GAD1: variants seen among roughly 807,000 people sequenced by gnomAD.
The protein encoded by GAD1 is 67 kDa glutamic acid decarboxylase.
Under a neutral mutation model 75.2 loss-of-function variants are expected in GAD1, and 35 were observed. That is an observed-to-expected ratio of 0.47 (90% CI 0.36 to 0.62). The LOEUF (loss-of-function observed/expected upper bound fraction) is 0.62. GAD1 is among the 20% of genes least tolerant of loss of function. The pLI, the probability that GAD1 is intolerant of heterozygous loss-of-function variation, is 0.00. For missense variants in GAD1, 490 were observed against 758.5 expected (o/e 0.65, Z 4.16); for synonymous variants, 257 against 271.9 (o/e 0.95, Z 0.54).
At chr2:170,828,767 C>A (rs1702130627) in intron 3 of GAD1, among the ~76,000 whole-genome samples, 1 of 148,568 alleles carries the variant, frequency 6.7e-6, no homozygotes, top group Non-Finnish European at 1.5e-5. Context: ...CCTCCTACCT[C>A]TGCTGTCCTC....
intron 3 of GAD1, among the ~76,000 whole-genome samples, chr2:170,825,014 T>G (rs1701990546): frequency 6.7e-6 from 1 of 150,208 alleles, no homozygotes; most frequent in Non-Finnish European, 1.5e-5. Context: ...TTTCAAGTGC[T>G]CTCTTTTTCT....
upstream of GAD1, among the ~76,000 whole-genome samples, chr2:170,814,551 A>T (rs1471664918): frequency 4.6e-5 from 7 of 152,148 alleles, no homozygotes; most frequent in Non-Finnish European, 1.0e-4. Flanking sequence ...CGGAATGTCC[A>T]CTCCCGGCGT....
At chr2:170,851,909 G>A (rs1702750113) in intron 12 of GAD1, among the ~76,000 whole-genome samples, 1 of 152,194 alleles carries the variant, frequency 6.6e-6, no homozygotes, top group Non-Finnish European at 1.5e-5. Context: ...AATTCTGCTA[G>A]GTAGTCAGAG....
chr2:170,853,608 A>G lies in GAD1; in HGVS notation c.1264-265A>G, dbSNP rs931476023. The G allele has an allele frequency of 1.2e-5, 5 of 424,538 alleles. No individual in the cohort carries two copies. Among genetic ancestry groups the G allele is most frequent in the African/African-American group, 1.0e-4 (5 of 49,850 alleles). 26.3% of individuals were successfully genotyped at this position (424,538 alleles called of 1,614,324 possible). Reference sequence around the variant, plus strand: ...CTTCCCAATCTTGAAACAATCCCAGACACCCATACACATTTCCCCTTAGAG... The same window carrying G: ...CTTCCCAATCTTGAAACAATCCCAGGCACCCATACACATTTCCCCTTAGAG... On this transcript the variant is annotated intron_variant, in intron 13 of 16. Transcript: ENST00000358196. The surrounding 1 kb of genome is among the most constrained non-coding windows in gnomAD (Gnocchi z 4.1).
At chr2:170,825,645 A>G (rs1475179672) in intron 3 of GAD1, among the ~76,000 whole-genome samples, 1 of 152,146 alleles carries the variant, frequency 6.6e-6, no homozygotes, top group Non-Finnish European at 1.5e-5. Flanking sequence ...TGGGCCCCAT[A>G]AGCCTTTGAG....
intron 10 of GAD1, among the ~76,000 whole-genome samples, chr2:170,846,988 A>G (rs1702647218): frequency 1.3e-5 from 2 of 152,360 alleles, no homozygotes; most frequent in South Asian, 4.1e-4. Flanking sequence ...TAGGTGACAG[A>G]GCAAGAACCT....
intron 4 of GAD1, among the ~76,000 whole-genome samples, chr2:170,830,488 C>G (rs182413192): frequency 1.3e-5 from 2 of 152,342 alleles, no homozygotes; most frequent in Admixed American, 1.3e-4. Context: ...AAGGACACCG[C>G]CAAGGACCAC....
chr2:170,836,891 T>A lies in GAD1; in HGVS notation c.638+8T>A. On this transcript the variant is annotated splice_region_variant and intron_variant, in intron 6 of 16. Coordinates refer to ENST00000358196, the MANE Select transcript of GAD1 (RefSeq NM_000817.3). ...AACGGCCAATACCAACATGTAAGTC[T>A]CATATGTTTTCATATAAGCAACCCT... The A allele has an allele frequency of 6.3e-7, 1 of 1,587,650 alleles. No homozygotes were observed. The highest frequency in any genetic ancestry group is 8.6e-7 in the Non-Finnish European group (1 of 1,156,084).
At position 170,818,521 on chromosome 2, in the gene GAD1, C is replaced by G; in HGVS notation, c.-63-8C>G. The G allele has an allele frequency of 7.0e-7, 1 of 1,426,700 alleles. No homozygotes were observed. Among genetic ancestry groups the G allele is most frequent in the East Asian group, 2.3e-5 (1 of 43,956 alleles). 88.4% of individuals were successfully genotyped at this position (1,426,700 alleles called of 1,614,324 possible). The stretch of plus-strand genomic sequence containing the variant: ...TCCTCCCCGCACAGCTCTCGCTTCT[C>G]TTTGCAGCCTGTTTCTGCGCCGGAC... On this transcript the variant is annotated splice_region_variant and splice_polypyrimidine_tract_variant and intron_variant, in intron 1 of 16. Coordinates refer to ENST00000358196, the MANE Select transcript of GAD1 (RefSeq NM_000817.3). This position sits in a 1 kb window ranked among gnomAD's most constrained non-coding sequence, Gnocchi z 5.9.
chr2:170,821,998 T>A, intron 2 of GAD1, 89 bp from the exon 3 acceptor site: 1 of 1,129,126 alleles, frequency 8.9e-7, no homozygotes, highest in Non-Finnish European at 1.3e-6. Context: ...AAAGTCCTCA[T>A]CCTCCCCCAA....
intron 3 of GAD1, among the ~76,000 whole-genome samples, chr2:170,826,012 G>T (rs1440798619): frequency 6.6e-6 from 1 of 152,158 alleles, no homozygotes; most frequent in Non-Finnish European, 1.5e-5. Flanking sequence ...TCCTTCCAGG[G>T]CCTCTCAGAG....
upstream of GAD1, among the ~76,000 whole-genome samples, chr2:170,815,777 G>A (rs1281657070): frequency 6.6e-6 from 1 of 152,234 alleles, no homozygotes; most frequent in African/African-American, 2.4e-5. Flanking sequence ...ACAGGGCGGT[G>A]AGGGAAGGCA....
Position 170,835,720 on chromosome 2 carries a change from GT to G in GAD1, c.548-1071del, listed in dbSNP as rs545699013. ...ATTCAGTCTTGTCTTAAAATGAAGT[GT>G]TATTGTTAAAAGTTTTTAAATGGAT... On this transcript the variant is annotated intron_variant, in intron 5 of 16. Transcript: ENST00000358196. Among the ~76,000 whole-genome samples, 27 of 152,252 alleles carry G rather than the reference GT, an allele frequency of 1.8e-4. 2 individuals are homozygous for G. Among genetic ancestry groups the G allele is most frequent in the Admixed American group, 1.6e-3 (25 of 15,294 alleles).
At chr2:170,838,524 C>A (rs1444190798) in intron 6 of GAD1, among the ~76,000 whole-genome samples, 1 of 152,162 alleles carries the variant, frequency 6.6e-6, no homozygotes, top group African/African-American at 2.4e-5. Flanking sequence ...GTAAAAGATA[C>A]ATATCTATTA....
Position 170,859,008 on chromosome 2 carries a change from G to C in GAD1, c.1611+115G>C, listed in dbSNP as rs142230811. The stretch of plus-strand genomic sequence containing the variant: ...GAAATATAAAAAATAAAGCCTTGGG[G>C]TGGGTTTCTAGTAATGGGGTGGTGG... On this transcript the variant is annotated intron_variant, in intron 16 of 16. Coordinates refer to ENST00000358196, the MANE Select transcript of GAD1 (RefSeq NM_000817.3). 5.0e-4 allele frequency: 486 copies of C among 970,122 alleles called. 4 individuals carry two copies. The Middle Eastern group carries it at 5.4e-3, about 11-fold the overall frequency. 60.1% of individuals were successfully genotyped at this position (970,122 alleles called of 1,614,324 possible). A position where few individuals can be genotyped will look rare whatever the true frequency, so the allele number is the denominator to read the frequency against.
chr2:170,846,254 A>T (rs866756894), intron 10 of GAD1, among the ~76,000 whole-genome samples, 191 bp downstream of exon 10: 8 of 152,340 alleles, frequency 5.3e-5, no homozygotes, highest in Middle Eastern at 3.4e-3. Context: ...GGGTTTTTTT[A>T]AAAAATGAAA....
At chr2:170,858,917 T>C (rs1335064272) in intron 16 of GAD1, 24 bp downstream of exon 16, 1 of 1,590,118 alleles carries the variant, frequency 6.3e-7, no homozygotes, top group African/African-American at 1.3e-5. Context: ...TTTTGTCTCA[T>C]CTAATCCTCT....
At chr2:170,852,207 T>C (rs1702756190) in intron 12 of GAD1, among the ~76,000 whole-genome samples, 1 of 152,216 alleles carries the variant, frequency 6.6e-6, no homozygotes, top group African/African-American at 2.4e-5. Flanking sequence ...GTAATAATAG[T>C]ACCTACCTTA....
intron 5 of GAD1, among the ~76,000 whole-genome samples, chr2:170,836,181 C>T (rs932509946): frequency 1.3e-5 from 2 of 151,894 alleles, no homozygotes; most frequent in African/African-American, 4.8e-5. Flanking sequence ...TTTCTAACAC[C>T]AGTTCCCAGC....
Sources: allele counts gnomAD v4.1 joint callset (sites outside exome capture counted in the v4.1 genomes callset), GRCh38; gene constraint gnomAD v4.1.1; non-coding constraint Gnocchi (gnomAD v3.1); transcripts MANE v1.5; gene names NCBI Gene and HGNC (gene_info 2026-07-23, HGNC 2026-07-21).